Variants in CDC42BPB observed in about 807,000 individuals in gnomAD.
The protein encoded by CDC42BPB is serine/threonine-protein kinase MRCK beta.
In CDC42BPB, 37 loss-of-function variants were observed where a neutral mutation model predicts 214.9. The observed-to-expected ratio is 0.17, with a 90% CI of 0.13 to 0.23. CDC42BPB has a LOEUF of 0.23. CDC42BPB is among the 10% of genes least tolerant of loss of function. The probability of loss-of-function intolerance (pLI) is 1.00; values close to 1 mark genes in which losing one functional copy is unlikely to be tolerated. For missense variants in CDC42BPB, 1,694 were observed against 2,227.0 expected, an observed-to-expected ratio of 0.76 and a Z score of 4.82; for synonymous variants, 931 against 884.0, an observed-to-expected ratio of 1.05 and a Z score of -0.94.
rs767019524 is a variant in CDC42BPB at position 102,964,458 on chromosome 14, A to C, written c.2726+44T>G. The C allele has an allele frequency of 1.1e-5, 17 of 1,604,402 alleles. No individual in the cohort carries two copies. The African/African-American group carries it at 2.2e-4, about 20-fold the overall frequency. ...AGGCTCAGGGCGGGCTCGAGGCCAC[A>C]CAGCCACTGCTCCTACCTGGAGTCA... On this transcript the variant is annotated intron_variant, in intron 19 of 36. Transcript: ENST00000361246.
rs758348207 is a variant in CDC42BPB, at chr14:102,980,784, G to A, written c.1129C>T (p.Leu377=). 2.5e-6 allele frequency: 4 copies of A among 1,614,124 alleles called. No individual in the cohort carries two copies. The South Asian group carries it at 4.4e-5, about 18-fold the overall frequency. The change falls in exon 8 of 37, where the codon CTG becomes TTG. Residue 377 remains leucine, a synonymous_variant. Coordinates refer to ENST00000361246, the MANE Select transcript of CDC42BPB (RefSeq NM_006035.4). ...TSNFDVDDDV[L]RNTEILPPGS... ...GCTTTCACACTCACCGTGTTTCTCAGCACGTCGTCATCCACGTCGAAGTTG... is the reference window on the plus strand; with the variant it reads ...GCTTTCACACTCACCGTGTTTCTCAACACGTCGTCATCCACGTCGAAGTTG...
intron 5 of CDC42BPB, among the ~76,000 whole-genome samples, chr14:102,995,503 C>T (rs1172319502): frequency 3.3e-5 from 5 of 152,200 alleles, no homozygotes; most frequent in Non-Finnish European, 7.3e-5. Context: ...TTGTGTCATT[C>T]ATGATCTCTG....
chr14:102,937,212 C>G (rs544263045), intron 36 of CDC42BPB: 10 of 152,532 alleles, frequency 6.6e-5, no homozygotes, highest in Admixed American at 2.6e-4. Context: ...AGCGGACAAA[C>G]TCAAACTCAG....
intron 1 of CDC42BPB, chr14:103,041,561 T>G: frequency 7.9e-7 from 1 of 1,271,188 alleles, no homozygotes; most frequent in Non-Finnish European, 1.1e-6. Flanking sequence ...GGCCCGAAGA[T>G]CCGCAGATGC....
At chr14:103,034,549 C>CA (rs1887561316) in intron 1 of CDC42BPB, among the ~76,000 whole-genome samples, 1 of 152,166 alleles carries the variant, frequency 6.6e-6, no homozygotes, top group Non-Finnish European at 1.5e-5. Flanking sequence ...TGTGGTGGCT[C>CA]ATGCCTGCAA....
chr14:102,947,202 T>C (rs1441311627), intron 27 of CDC42BPB, among the ~76,000 whole-genome samples: 1 of 152,238 alleles, frequency 6.6e-6, no homozygotes, highest in Non-Finnish European at 1.5e-5. Flanking sequence ...AGTTTTGTTA[T>C]CAAAATTTTG....
chr14:103,003,764 C>T (rs1000335827), intron 4 of CDC42BPB, among the ~76,000 whole-genome samples, 164 bp downstream of exon 4: 2 of 152,222 alleles, frequency 1.3e-5, no homozygotes, highest in African/African-American at 4.8e-5. Flanking sequence ...TAAAGAAGTT[C>T]TACCTGACAA....
At chr14:103,035,487 C>T (rs1297161355) in intron 1 of CDC42BPB, among the ~76,000 whole-genome samples, 2 of 151,906 alleles carry the variant, frequency 1.3e-5, no homozygotes, top group African/African-American at 4.8e-5. Context: ...CACTTGAGCC[C>T]AGGAATTGGA....
intron 1 of CDC42BPB, among the ~76,000 whole-genome samples, chr14:103,045,396 A>G (rs10047842): frequency 1 from 152,157 of 152,272 alleles, 76,021 homozygotes; most frequent in African/African-American, 1. Context: ...CAACTCCTGC[A>G]TCACAAAAGC....
chr14:103,057,401 C>G lies in CDC42BPB; in HGVS notation c.-228G>C, dbSNP rs1456324459. On this transcript the variant is annotated 5_prime_UTR_variant, in exon 1 of 37. Coordinates refer to ENST00000361246, the MANE Select transcript of CDC42BPB (RefSeq NM_006035.4). Reference sequence around the variant, plus strand: ...CCGCGGGTCCATGGGCCGCTCTCCTCCCCTCGGCGCCGCCGCCCTCCCAGC... The same window carrying G: ...CCGCGGGTCCATGGGCCGCTCTCCTGCCCTCGGCGCCGCCGCCCTCCCAGC... 1.2e-6 allele frequency: 1 copy of G among 825,818 alleles called. No homozygotes were observed. The highest frequency in any genetic ancestry group is 1.5e-6 in the Non-Finnish European group (1 of 684,322). The allele number at this position is 825,818 out of a possible 1,614,324, so 51.2% of individuals were successfully genotyped here. A position where few individuals can be genotyped will look rare whatever the true frequency, so the allele number is the denominator to read the frequency against.
intron 5 of CDC42BPB, among the ~76,000 whole-genome samples, chr14:102,989,837 C>T (rs900174477): frequency 7.3e-6 from 1 of 137,348 alleles, no homozygotes; most frequent in Non-Finnish European, 1.5e-5. Context: ...CCAGCCTGGG[C>T]AACAAAAGCG....
At chr14:103,010,996 C>T (rs985485992) in intron 2 of CDC42BPB, among the ~76,000 whole-genome samples, 3 of 152,246 alleles carry the variant, frequency 2.0e-5, no homozygotes, top group Non-Finnish European at 4.4e-5. Context: ...CACCACTGCA[C>T]TCCAGCCTGG....
chr14:102,950,671 C>T (rs1690464531), intron 24 of CDC42BPB, 69 bp from the exon 25 acceptor site: 3 of 1,418,952 alleles, frequency 2.1e-6, no homozygotes, highest in Non-Finnish European at 2.8e-6. Context: ...GAACCTATGC[C>T]CTGAGGAGGC....
At position 102,978,091 on chromosome 14, in the gene CDC42BPB, A is replaced by C. The variant is rs1273320978; in HGVS notation, c.1220+35T>G. ...CTGACTGTTCATCTACCACAGGGGA[A>C]GTGTCTCCCTGGGGAATGATAAATC... On this transcript the variant is annotated intron_variant, in intron 9 of 36. Coordinates refer to ENST00000361246, the MANE Select transcript of CDC42BPB (RefSeq NM_006035.4). 2.0e-6 allele frequency: 3 copies of C among 1,495,456 alleles called. No homozygotes were observed. In the South Asian group the frequency reaches 3.4e-5, roughly 17 times the overall value. The allele number at this position is 1,495,456 out of a possible 1,614,324, so 92.6% of individuals were successfully genotyped here.
At chr14:103,014,429 T>C (rs1886343691) in intron 1 of CDC42BPB, among the ~76,000 whole-genome samples, 1 of 152,182 alleles carries the variant, frequency 6.6e-6, no homozygotes, top group Non-Finnish European at 1.5e-5. Context: ...AAATTATCTA[T>C]CACTACAGTT....
chr14:102,963,100 A>T lies in CDC42BPB; in HGVS notation c.2782T>A (p.Leu928Met). The change falls in exon 20 of 37, where the codon TTG becomes ATG. Residue 928 changes from leucine to methionine, a missense_variant. Around this residue, in one of 7 missense-constraint regions of CDC42BPB, gnomAD observed 156 missense variants for 154.5 expected, o/e 1.01. Transcript: ENST00000361246. The stretch of plus-strand genomic sequence containing the variant: ...AATTTTTCTTCCATCTTTTTCTTCA[A>T]AATTTCCATTTCTTCTAATAATTCT... ...NRELLEEMEILKKKMEEKFRA... is the reference protein window; with the variant it reads ...NRELLEEMEIMKKKMEEKFRA... 6.3e-7 allele frequency: 1 copy of T among 1,585,474 alleles called. No individual in the cohort carries two copies. The highest frequency in any genetic ancestry group is 8.7e-7 in the Non-Finnish European group (1 of 1,155,382).
chr14:102,959,849 A>AG (rs1014265525), intron 20 of CDC42BPB, 139 bp from the exon 21 acceptor site: 118 of 1,307,690 alleles, frequency 9.0e-5, no homozygotes, highest in Non-Finnish European at 1.1e-4. Flanking sequence ...AAAAAAAAAA[A>AG]AAAAAAAAAA....
In CDC42BPB at chr14:102,967,062, C is replaced by A; in HGVS notation, c.2455G>T (p.Ala819Ser). 2 of 1,614,084 alleles carry A rather than the reference C, an allele frequency of 1.2e-6. No individual in the cohort carries two copies. The highest frequency in any genetic ancestry group is 1.7e-6 in the Non-Finnish European group (2 of 1,180,024). ...CGCACGTACCACTGAATGATTTCCGCAATCTGAGCTTCCCAGTGGGCCACT... is the reference window on the plus strand; with the variant it reads ...CGCACGTACCACTGAATGATTTCCGAAATCTGAGCTTCCCAGTGGGCCACT... ...ESVAHWEAQI[A>S]EIIQWVSDEK... Residue 819 changes from alanine (A) to serine (S), a missense_variant, in exon 17 of 37, where the codon GCG becomes TCG. Physicochemically the swap from Ala to Ser is moderately conservative, Grantham distance 99 (BLOSUM62 1). Around this residue, in one of 7 missense-constraint regions of CDC42BPB, gnomAD observed 462 missense variants for 513.5 expected, o/e 0.90. Coordinates refer to ENST00000361246, the MANE Select transcript of CDC42BPB (RefSeq NM_006035.4).
In CDC42BPB at chr14:102,943,607, G is replaced by C. The variant is rs908480644; in HGVS notation, c.4408+284C>G. Among the ~76,000 whole-genome samples the C allele has an allele frequency of 6.6e-6, 1 of 151,706 alleles. No individual in the cohort carries two copies. The highest frequency in any genetic ancestry group is 2.4e-5 in the African/African-American group (1 of 41,292). On this transcript the variant is annotated intron_variant, in intron 30 of 36. Coordinates refer to ENST00000361246, the MANE Select transcript of CDC42BPB (RefSeq NM_006035.4). The surrounding 1 kb of genome is among the most constrained non-coding windows in gnomAD (Gnocchi z 4.6). ...CGTTCTCGGTTCGCCGAGCCCTTCT[G>C]CCCAGGGGCCTATGCCCGCCGACGG...
Sources: gnomAD v4.1 joint callset for allele counts (sites outside exome capture counted in the v4.1 genomes callset) on GRCh38, gnomAD v4.1.1 for gene constraint, gnomAD v4.1.1 regional missense constraint, Gnocchi (gnomAD v3.1) non-coding constraint, MANE v1.5 for transcripts, NCBI Gene and HGNC (gene_info 2026-07-23, HGNC 2026-07-21) for gene names.